The following PTCHD4 variants were observed in gnomAD, a reference collection of about 807,000 sequenced individuals.
PTCHD4 encodes the protein patched domain containing 4.
In PTCHD4, 33 loss-of-function variants were observed where a neutral mutation model predicts 58.1. That is an observed-to-expected ratio of 0.57 (90% CI 0.43 to 0.76). PTCHD4 has a LOEUF of 0.76. PTCHD4 is among the 30% of genes least tolerant of loss of function. The pLI, the probability that PTCHD4 is intolerant of heterozygous loss-of-function variation, is 0.00. For missense variants in PTCHD4, 1,058 were observed against 1,027.1 expected (o/e 1.03, Z -0.41); for synonymous variants, 478 against 409.6 (o/e 1.17, Z -2.02).
intron 4 of PTCHD4, among the ~76,000 whole-genome samples, chr6:47,945,686 T>C (rs936804657): frequency 6.6e-6 from 1 of 151,952 alleles, no homozygotes; most frequent in Non-Finnish European, 1.5e-5. Context: ...ATTTTTTTAC[T>C]ACCTTCATAT....
chr6:47,953,259 C>T lies in PTCHD4; in HGVS notation c.898+55375G>A, dbSNP rs376385593. ...TTTACTTTCAATCTGAAAGTGAGGT[C>T]CTTATCTTTCATCAGCATTTTACAA... On this transcript the variant is annotated intron_variant, in intron 4 of 4. Coordinates refer to ENST00000339488, the MANE Select transcript of PTCHD4 (RefSeq NM_001384253.1). 3.3e-5 allele frequency among the ~76,000 whole-genome samples: 5 copies of T among 152,120 alleles called. No individual in the cohort carries two copies. The East Asian group carries it at 9.7e-4, about 29-fold the overall frequency.
chr6:47,888,584 T>C (rs1325982530), intron 4 of PTCHD4, among the ~76,000 whole-genome samples: 1 of 152,208 alleles, frequency 6.6e-6, no homozygotes, highest in Non-Finnish European at 1.5e-5. Context: ...ACATATAGTC[T>C]CATCCAGAGT....
rs533448629 is a variant in PTCHD4, at chr6:47,890,185, C to T, written c.899-10249G>A. 4.0e-5 allele frequency among the ~76,000 whole-genome samples: 6 copies of T among 151,116 alleles called. No homozygotes were observed. In the East Asian group the frequency reaches 1.2e-3, roughly 29 times the overall value. On this transcript the variant is annotated intron_variant, in intron 4 of 4. Transcript: ENST00000339488. ...TGTGTGTGTATATATGTATATTTGT[C>T]AATACACCTAAATTTGTATGTTTTT... is the stretch of plus-strand genomic sequence containing the variant.
At chr6:47,901,807 G>A in intron 4 of PTCHD4, 2 of 1,278,052 alleles carry the variant, frequency 1.6e-6, no homozygotes, top group South Asian at 2.6e-5. Context: ...TTGTATCCTA[G>A]GAGTCTTCAC....
rs1763677707 is a variant in PTCHD4, at chr6:47,870,195, T to C, written c.*8108A>G. 1.3e-5 allele frequency among the ~76,000 whole-genome samples: 2 copies of C among 151,700 alleles called. No individual in the cohort carries two copies. The highest frequency in any genetic ancestry group is 2.4e-5 in the African/African-American group (1 of 41,394). On this transcript the variant is annotated 3_prime_UTR_variant, in exon 5 of 5. Transcript: ENST00000339488. ...TTGCCTAGTGGCACTGTAGTAAATA[T>C]GATTTTGATGACTTTTTTTTCCAAG...
chr6:47,942,315 A>G (rs368796511), intron 4 of PTCHD4, among the ~76,000 whole-genome samples: 2 of 152,358 alleles, frequency 1.3e-5, no homozygotes, highest in East Asian at 1.9e-4. Flanking sequence ...AAAAGGATAG[A>G]ACTCTTTAGT....
chr6:48,099,315 A>G (rs1582137565), intron 1 of PTCHD4, among the ~76,000 whole-genome samples: 1 of 152,222 alleles, frequency 6.6e-6, no homozygotes, highest in East Asian at 1.9e-4. Context: ...GAAGCAGGCC[A>G]TCTAGCCACT....
intron 1 of PTCHD4, among the ~76,000 whole-genome samples, chr6:48,103,790 A>G (rs12180848): frequency 0.15 from 23,534 of 152,252 alleles, 1,872 homozygotes; most frequent in African/African-American, 0.2. Flanking sequence ...AGGCACCAGA[A>G]CTACGTGATG....
chr6:47,948,642 T>C (rs1211495101), intron 4 of PTCHD4, among the ~76,000 whole-genome samples: 1 of 152,210 alleles, frequency 6.6e-6, no homozygotes, highest in Non-Finnish European at 1.5e-5. Flanking sequence ...TCTGGATTTC[T>C]GTACTATTCT....
At position 47,858,231 on chromosome 6, in the gene PTCHD4, C is replaced by A. The variant is rs964751423; in HGVS notation, c.*20072G>T. Among the ~76,000 whole-genome samples the A allele has an allele frequency of 2.6e-5, 4 of 151,916 alleles. No homozygotes were observed. The highest frequency in any genetic ancestry group is 2.9e-5 in the Non-Finnish European group (2 of 67,920). On this transcript the variant is annotated 3_prime_UTR_variant, in exon 5 of 5. Transcript: ENST00000339488. ...AACATACTTGATTTTATAGCAGGCA[C>A]CCCCAATTTTGGATTCAGGGGCAGA...
chr6:47,981,847 G>T (rs1767892381), intron 4 of PTCHD4, among the ~76,000 whole-genome samples: 1 of 152,294 alleles, frequency 6.6e-6, no homozygotes, highest in Non-Finnish European at 1.5e-5. Context: ...TAGATTAGGA[G>T]ATACTCCATA....
chr6:47,882,063 T>G (rs1384634449), intron 4 of PTCHD4, among the ~76,000 whole-genome samples: 3 of 152,156 alleles, frequency 2.0e-5, no homozygotes, highest in Non-Finnish European at 4.4e-5. Context: ...GCAAAACTCC[T>G]TGAAGAGACA....
chr6:47,861,469 A>C lies in PTCHD4; in HGVS notation c.*16834T>G, dbSNP rs1581792644. ...TTCAAACAAAAAGATGTATACCCTC[A>C]AGGCTGTATCTGCTGTGTTTAATAC... On this transcript the variant is annotated 3_prime_UTR_variant, in exon 5 of 5. Coordinates refer to ENST00000339488, the MANE Select transcript of PTCHD4 (RefSeq NM_001384253.1). Among the ~76,000 whole-genome samples the C allele has an allele frequency of 6.6e-6, 1 of 151,916 alleles. No homozygotes were observed.
At chr6:48,007,486 C>A (rs1762485068) in intron 4 of PTCHD4, among the ~76,000 whole-genome samples, 1 of 152,146 alleles carries the variant, frequency 6.6e-6, no homozygotes, top group Non-Finnish European at 1.5e-5. Flanking sequence ...CTGATTTTAA[C>A]CTGGAGGGTG....
At chr6:48,011,148 C>T (rs1363438025) in intron 3 of PTCHD4, among the ~76,000 whole-genome samples, 1 of 75,230 alleles carries the variant, frequency 1.3e-5, no homozygotes, top group Non-Finnish European at 3.0e-5. Context: ...CTTGCAGAAT[C>T]GCCACACTGT....
At position 47,862,675 on chromosome 6, in the gene PTCHD4, G is replaced by T. The variant is rs1350041752; in HGVS notation, c.*15628C>A. ...ATGCTGATGAATCATTTTTCCTTAA[G>T]TATTCTTTTCTTCTATTAGGTTATA... On this transcript the variant is annotated 3_prime_UTR_variant, in exon 5 of 5. Transcript: ENST00000339488. 1.3e-5 allele frequency among the ~76,000 whole-genome samples: 2 copies of T among 151,688 alleles called. No individual in the cohort carries two copies. The highest frequency in any genetic ancestry group is 3.9e-4 in the East Asian group (2 of 5,152).
chr6:47,965,901 C>T (rs113307253), intron 4 of PTCHD4, among the ~76,000 whole-genome samples: 33 of 151,980 alleles, frequency 2.2e-4, no homozygotes, highest in African/African-American at 7.7e-4. Context: ...GGTGACACAG[C>T]GAGACTCCAT....
chr6:48,108,458 G>A (rs992118910), intron 1 of PTCHD4, among the ~76,000 whole-genome samples: 2 of 152,016 alleles, frequency 1.3e-5, no homozygotes, highest in Non-Finnish European at 2.9e-5. Context: ...GTTGTGGGGT[G>A]GGGGGAGCGG....
intron 4 of PTCHD4, among the ~76,000 whole-genome samples, chr6:47,915,088 T>C (rs2113874007): frequency 6.6e-6 from 1 of 152,234 alleles, no homozygotes; most frequent in East Asian, 1.9e-4. Context: ...AGGTCTACAG[T>C]GGTAATTCCA....
Sources: gnomAD v4.1 joint callset for allele counts (sites outside exome capture counted in the v4.1 genomes callset) on GRCh38, gnomAD v4.1.1 for gene constraint, MANE v1.5 for transcripts, NCBI Gene and HGNC (gene_info 2026-07-23, HGNC 2026-07-21) for gene names.